Variants in TPRG1 observed in about 807,000 individuals in gnomAD.
TPRG1 encodes the protein tumor protein p63 regulated 1.
A neutral mutation model predicts 29.3 loss-of-function variants in TPRG1; 29 were observed. The observed-to-expected ratio is 0.99, with a 90% confidence interval of 0.74 to 1.35. The LOEUF is 1.35. TPRG1 is among the 40% of genes most tolerant of loss of function. The pLI is 0.00. For missense variants in TPRG1, 327 were observed against 335.0 expected (o/e 0.98, Z 0.19); for synonymous variants, 130 against 116.8 (o/e 1.11, Z -0.73).
chr3:189,316,887 C>T (rs1723625923), intron 5 of TPRG1, among the ~76,000 whole-genome samples: 1 of 152,146 alleles, frequency 6.6e-6, no homozygotes, highest in South Asian at 2.1e-4. Flanking sequence ...TTGAAATGCT[C>T]AAGAGCCAGC....
At chr3:189,204,714 G>A (rs545108357) in intron 1 of TPRG1, among the ~76,000 whole-genome samples, 3 of 152,268 alleles carry the variant, frequency 2.0e-5, no homozygotes, top group South Asian at 2.1e-4. Flanking sequence ...GTTGTTAGGC[G>A]TGTGTTCACA....
chr3:189,000,383 T>G (rs1440133223), intron 1 of TPRG1, among the ~76,000 whole-genome samples: 3 of 152,142 alleles, frequency 2.0e-5, no homozygotes, highest in Admixed American at 2.0e-4. Context: ...ATACCATAGA[T>G]ATTATGATAT....
rs146646916 is a variant in TPRG1, at chr3:189,056,373, G to A, written c.-463+32427G>A. On this transcript the variant is annotated intron_variant, in intron 4 of 10. Transcript: ENST00000433971. ...TGCCTCCCAAAGTGTTGAGATTACA[G>A]GCATGAGCCACCATGCCCAGCCTAG... 2.2e-3 allele frequency among the ~76,000 whole-genome samples: 336 copies of A among 152,246 alleles called. 2 individuals carry two copies. Among genetic ancestry groups the A allele is most frequent in the African/African-American group, 7.9e-3 (329 of 41,540 alleles).
chr3:189,284,787 T>G (rs1423731344), intron 4 of TPRG1, among the ~76,000 whole-genome samples: 1 of 152,176 alleles, frequency 6.6e-6, no homozygotes, highest in Non-Finnish European at 1.5e-5. Flanking sequence ...CAAAAATTAA[T>G]TCAAGATGGA....
At chr3:189,169,367 G>A (rs1363447551), upstream of TPRG1, among the ~76,000 whole-genome samples, 3 of 152,136 alleles carry the variant, frequency 2.0e-5, no homozygotes, top group African/African-American at 7.2e-5. Flanking sequence ...GTTTCACCAT[G>A]TTGGCCACGC....
chr3:189,139,504 A>G (rs1002909848), intron 3 of TPRG1, among the ~76,000 whole-genome samples: 1 of 152,136 alleles, frequency 6.6e-6, no homozygotes, highest in Non-Finnish European at 1.5e-5. Flanking sequence ...CAACCCTAAT[A>G]TCACTGTTTG....
Position 189,057,969 on chromosome 3 carries a change from A to G in TPRG1, c.-463+34023A>G, listed in dbSNP as rs377112068. On this transcript the variant is annotated intron_variant, in intron 4 of 10. Coordinates refer to the TPRG1 transcript ENST00000433971. ...TTGTGTGTATATATATGTTGTATGT[A>G]CATATATTGTAGGTTGTGTATATAT... 1.2e-4 allele frequency among the ~76,000 whole-genome samples: 18 copies of G among 151,638 alleles called. No individual in the cohort carries two copies. In the East Asian group the frequency reaches 2.7e-3, roughly 23 times the overall value.
intron 4 of TPRG1, among the ~76,000 whole-genome samples, chr3:189,263,605 C>G (rs1713530580): frequency 1.3e-5 from 2 of 152,178 alleles, no homozygotes; most frequent in African/African-American, 4.8e-5. Flanking sequence ...GGGGACATCT[C>G]TGGAATTGCT....
rs141802761 is a variant in TPRG1, at chr3:189,081,292, A to G, written c.-462-45765A>G. Among the ~76,000 whole-genome samples, 13 of 152,274 alleles carry G rather than the reference A, an allele frequency of 8.5e-5. 1 individual carries two copies. In the South Asian group the frequency reaches 1.2e-3, roughly 15 times the overall value. On this transcript the variant is annotated intron_variant, in intron 4 of 10. Coordinates refer to the TPRG1 transcript ENST00000433971. ...GGGGAGAGGGATTGTTGAGAGAACC[A>G]AGGACTAACCTTGGGTAATGTCTTA...
At chr3:189,246,875 C>T (rs1442223930) in intron 4 of TPRG1, among the ~76,000 whole-genome samples, 1 of 152,018 alleles carries the variant, frequency 6.6e-6, no homozygotes. Flanking sequence ...ACTGCTATTC[C>T]TCTTTATGTT....
intron 4 of TPRG1, among the ~76,000 whole-genome samples, chr3:189,064,475 A>G (rs1323730588): frequency 6.6e-6 from 1 of 152,200 alleles, no homozygotes; most frequent in Non-Finnish European, 1.5e-5. Context: ...TTCACAAAAG[A>G]TTAGAAAAAA....
At chr3:189,159,536 T>C (rs1433183687) in intron 5 of TPRG1, among the ~76,000 whole-genome samples, 1 of 152,168 alleles carries the variant, frequency 6.6e-6, no homozygotes, top group East Asian at 1.9e-4. Flanking sequence ...AACTCCCACA[T>C]AAACTATAGA....
At chr3:189,255,114 A>T (rs1711595469) in intron 4 of TPRG1, among the ~76,000 whole-genome samples, 1 of 152,156 alleles carries the variant, frequency 6.6e-6, no homozygotes. Flanking sequence ...TTTCAAAGGG[A>T]ATGCTTCCAG....
intron 1 of TPRG1, among the ~76,000 whole-genome samples, chr3:189,199,818 T>G (rs1733158580): frequency 6.6e-6 from 1 of 152,060 alleles, no homozygotes; most frequent in Non-Finnish European, 1.5e-5. Context: ...AGGCAGAGGT[T>G]GCAGTGAGCT....
chr3:189,242,392 CT>C (rs1474070988), intron 4 of TPRG1, among the ~76,000 whole-genome samples: 1 of 151,448 alleles, frequency 6.6e-6, no homozygotes, highest in African/African-American at 2.4e-5. Context: ...TTTTAATCAG[CT>C]TGTCTAATGT....
intron 4 of TPRG1, among the ~76,000 whole-genome samples, chr3:189,277,497 T>C (rs1160986885): frequency 6.7e-6 from 1 of 150,092 alleles, no homozygotes; most frequent in Non-Finnish European, 1.5e-5. Flanking sequence ...AAAGCTTCAT[T>C]TTTTAAAATG....
intron 1 of TPRG1, among the ~76,000 whole-genome samples, chr3:189,185,385 G>A (rs1237369418): frequency 6.6e-6 from 1 of 151,774 alleles, no homozygotes; most frequent in East Asian, 1.9e-4. Context: ...CACTCCAGCT[G>A]GGTATATTTT....
chr3:189,276,813 C>T (rs1030560690), intron 4 of TPRG1, among the ~76,000 whole-genome samples: 2 of 152,106 alleles, frequency 1.3e-5, no homozygotes, highest in African/African-American at 4.8e-5. Flanking sequence ...AAGCAAGCTG[C>T]TTCCTTGGGA....
At chr3:189,232,729 T>C (rs1470416529) in intron 3 of TPRG1, among the ~76,000 whole-genome samples, 1 of 152,162 alleles carries the variant, frequency 6.6e-6, no homozygotes, top group East Asian at 1.9e-4. Context: ...CCATTGGGTT[T>C]CTATTAGTAT....
Sources: allele counts gnomAD v4.1 joint callset (sites outside exome capture counted in the v4.1 genomes callset), GRCh38; gene constraint gnomAD v4.1.1; transcripts MANE v1.5; gene names NCBI Gene and HGNC (gene_info 2026-07-23, HGNC 2026-07-21).